The following ZNF710 variants were observed in gnomAD, a reference collection of about 807,000 sequenced individuals.
The protein encoded by ZNF710 is zinc finger protein 710.
ZNF710 carries 13 observed loss-of-function variants against 50.6 expected under a neutral mutation model. That is an observed-to-expected ratio of 0.26 (90% CI 0.17 to 0.41). The LOEUF (loss-of-function observed/expected upper bound fraction) is 0.41, where lower values mean the gene tolerates loss of function less well. ZNF710 is among the 10% of genes least tolerant of loss of function. The pLI is 1.00. For synonymous variants in ZNF710, 383 were observed against 397.0 expected, an observed-to-expected ratio of 0.96 and a Z score of 0.42; for missense variants, 721 against 936.6, an observed-to-expected ratio of 0.77 and a Z score of 3.01.
At chr15:90,010,375 G>A (rs563698857) in intron 1 of ZNF710, among the ~76,000 whole-genome samples, 2 of 152,190 alleles carry the variant, frequency 1.3e-5, no homozygotes, top group African/African-American at 2.4e-5. Context: ...TGCAACCTCC[G>A]CCTCCTAGGC....
rs1431706641 is a variant in ZNF710 at position 90,067,888 on chromosome 15, G to A, written c.751G>A (p.Ala251Thr). Residue 251 changes from alanine to threonine, a missense_variant, in exon 2 of 5, where the codon GCC (alanine) becomes ACC (threonine). Transcript: ENST00000268154. The surrounding 1 kb of genome is among the most constrained non-coding windows in gnomAD (Gnocchi z 8.1). ...GGAACAGGGCTTCGTGTGGCAGGAG[G>A]CCAGTGAGTTCGAGGCTGACACGGC... ...KPEQGFVWQE[A>T]SEFEADTAGS... 1.9e-6 allele frequency: 3 copies of A among 1,611,770 alleles called. No homozygotes were observed. The highest frequency in any genetic ancestry group is 2.2e-5 in the East Asian group (1 of 44,830).
intron 1 of ZNF710, among the ~76,000 whole-genome samples, chr15:90,030,375 C>T (rs573958672): frequency 6.7e-6 from 1 of 148,536 alleles, no homozygotes; most frequent in East Asian, 1.9e-4. Context: ...CTATCAGCTC[C>T]ATTTTATAGA....
chr15:90,070,203 G>GAA (rs1266011902), intron 2 of ZNF710, among the ~76,000 whole-genome samples: 1 of 152,196 alleles, frequency 6.6e-6, no homozygotes, highest in Non-Finnish European at 1.5e-5. Flanking sequence ...GTAATGTCAA[G>GAA]AAAGAGTCTA....
At chr15:90,074,616 T>A (rs992735385) in intron 4 of ZNF710, 17 of 908,080 alleles carry the variant, frequency 1.9e-5, no homozygotes, top group Non-Finnish European at 2.4e-5. Flanking sequence ...TGTCATCGTT[T>A]TACAGATGCA....
rs1900268022 is a variant in ZNF710 at position 90,068,492 on chromosome 15, A to G, written c.1355A>G (p.Asn452Ser). The change falls in exon 2 of 5, where the codon AAC becomes AGC. Residue 452 changes from asparagine (N) to serine (S), a missense_variant. Asn to Ser is a conservative substitution (Grantham distance 46). This residue lies in a region of ZNF710 where 326 missense variants were observed against 522.0 expected (regional missense o/e 0.62). Coordinates refer to ENST00000268154, the MANE Select transcript of ZNF710 (RefSeq NM_198526.4). This position sits in a 1 kb window ranked among gnomAD's most constrained non-coding sequence, Gnocchi z 5.0. Reference sequence around the variant, plus strand: ...TTCCACTACCGCAGCCAGTTGCAGAACCACATGCTCAAGCACCAGAACGTG... The same window carrying G: ...TTCCACTACCGCAGCCAGTTGCAGAGCCACATGCTCAAGCACCAGAACGTG... ...KSFHYRSQLQ[N>S]HMLKHQNVRP... is the part of the protein sequence containing the mutation. 6.2e-6 allele frequency: 10 copies of G among 1,613,998 alleles called. No homozygotes were observed. Among genetic ancestry groups the G allele is most frequent in the Non-Finnish European group, 8.5e-6 (10 of 1,180,032 alleles).
intron 1 of ZNF710, among the ~76,000 whole-genome samples, chr15:90,038,459 C>T (rs1899196284): frequency 6.6e-6 from 1 of 152,164 alleles, no homozygotes; most frequent in Admixed American, 6.5e-5. Context: ...GCAGACAGCC[C>T]ACCGTTAAGT....
chr15:90,042,210 G>A (rs993665286), intron 1 of ZNF710, among the ~76,000 whole-genome samples: 1 of 151,956 alleles, frequency 6.6e-6, no homozygotes, highest in Admixed American at 6.6e-5. Flanking sequence ...GTGCCTCTTT[G>A]TATTTTCCAT....
intron 4 of ZNF710, chr15:90,074,548 CTG>C (rs1210615340): frequency 7.1e-7 from 1 of 1,416,010 alleles, no homozygotes; most frequent in East Asian, 3.3e-5. Flanking sequence ...TGAGTGCTAA[CTG>C]TGTGCCAGGC....
chr15:90,052,018 G>T (rs961623203), intron 1 of ZNF710, among the ~76,000 whole-genome samples: 5 of 152,106 alleles, frequency 3.3e-5, no homozygotes, highest in African/African-American at 1.2e-4. Flanking sequence ...AGAGGAAGGG[G>T]CTGTCCTTCC....
chr15:90,030,769 C>G (rs1446793551), intron 1 of ZNF710, among the ~76,000 whole-genome samples: 1 of 151,934 alleles, frequency 6.6e-6, no homozygotes, highest in Admixed American at 6.6e-5. Context: ...GTAATCCCAG[C>G]TCTTTGGGAG....
Position 90,074,770 on chromosome 15 carries a change from C to T in ZNF710, c.1825+480C>T, listed in dbSNP as rs147735181. ...GTTAGAAAGGGGAAAAAATGGCAGC[C>T]GGAAAGATAAGGGAGAGCCAGGTGA... On this transcript the variant is annotated intron_variant, in intron 4 of 4. Transcript: ENST00000268154. 764 of 334,434 alleles carry T rather than the reference C, an allele frequency of 2.3e-3. 5 individuals carry two copies. Among genetic ancestry groups the T allele is most frequent in the African/African-American group, 0.015 (672 of 45,062 alleles). The allele number at this position is 334,434 out of a possible 1,614,324, so 20.7% of individuals were successfully genotyped here. A position where few individuals can be genotyped will look rare whatever the true frequency, so the allele number is the denominator to read the frequency against.
At chr15:90,003,884 G>C (rs1478483997) in intron 1 of ZNF710, among the ~76,000 whole-genome samples, 2 of 152,220 alleles carry the variant, frequency 1.3e-5, no homozygotes, top group Non-Finnish European at 2.9e-5. Flanking sequence ...CCTGCATGAG[G>C]GCCGTGGGGA....
Position 90,067,519 on chromosome 15 carries a change from G to A in ZNF710, c.382G>A (p.Gly128Ser). 1 of 1,613,548 alleles carries A rather than the reference G, an allele frequency of 6.2e-7. No individual in the cohort carries two copies. Among genetic ancestry groups the A allele is most frequent in the Non-Finnish European group, 8.5e-7 (1 of 1,179,714 alleles). ...GGAGGTCTATGAGGTTTCTGTGCCA[G>A]GTGACGACAAGGACGCAGGGCCAGC... ...EQEVYEVSVPGDDKDAGPAEA... is the reference protein window; with the variant it reads ...EQEVYEVSVPSDDKDAGPAEA... Residue 128 changes from glycine (G) to serine (S), a missense_variant, in exon 2 of 5, where the codon GGT becomes AGT. This residue lies in a region of ZNF710 where 326 missense variants were observed against 347.1 expected (regional missense o/e 0.94). Coordinates refer to ENST00000268154, the MANE Select transcript of ZNF710 (RefSeq NM_198526.4). The surrounding 1 kb of genome is among the most constrained non-coding windows in gnomAD (Gnocchi z 8.1).
Position 90,051,210 on chromosome 15 carries a change from G to A in ZNF710, c.-28-15900G>A, listed in dbSNP as rs1472133374. On this transcript the variant is annotated intron_variant, in intron 1 of 4. Coordinates refer to ENST00000268154, the MANE Select transcript of ZNF710 (RefSeq NM_198526.4). ...GCCAAGATCGTGCCGCTGCACTCCAGCCTGGGCGACACAGCCAGACTCCGT... is the reference window on the plus strand; with the variant it reads ...GCCAAGATCGTGCCGCTGCACTCCAACCTGGGCGACACAGCCAGACTCCGT... 1.5e-4 allele frequency among the ~76,000 whole-genome samples: 23 copies of A among 148,994 alleles called. No homozygotes were observed. In the East Asian group the frequency reaches 4.3e-3, roughly 28 times the overall value.
intron 4 of ZNF710, among the ~76,000 whole-genome samples, chr15:90,079,382 A>G (rs1256904500): frequency 2.0e-5 from 3 of 152,288 alleles, no homozygotes; most frequent in East Asian, 1.9e-4. Flanking sequence ...TGACCCAAAG[A>G]AGGCTTCAAG....
At chr15:90,074,677 CAGG>C in intron 4 of ZNF710, 1 of 386,814 alleles carries the variant, frequency 2.6e-6, no homozygotes, top group Non-Finnish European at 4.7e-6. Context: ...GACAACACAG[CAGG>C]AGGTGACAGA....
At position 90,073,280 on chromosome 15, in the gene ZNF710, C is replaced by T. The variant is rs749670068; in HGVS notation, c.1650+18C>T. ...AATGCAAGGTACCCGGTCATCAGGC[C>T]CCGGGGCTGGGACCTCCCCGAGGGT... is the stretch of plus-strand genomic sequence containing the variant. On this transcript the variant is annotated intron_variant, in intron 3 of 4. Coordinates refer to ENST00000268154, the MANE Select transcript of ZNF710 (RefSeq NM_198526.4). 6.2e-7 allele frequency: 1 copy of T among 1,607,170 alleles called. No homozygotes were observed. Among genetic ancestry groups the T allele is most frequent in the East Asian group, 2.2e-5 (1 of 44,692 alleles).
chr15:90,050,419 A>G (rs1474543778), intron 1 of ZNF710, among the ~76,000 whole-genome samples: 2 of 152,240 alleles, frequency 1.3e-5, no homozygotes, highest in South Asian at 4.1e-4. Flanking sequence ...TCTCCGTCCC[A>G]TGCTTCCAGC....
At chr15:90,018,157 T>G (rs765807575) in intron 1 of ZNF710, among the ~76,000 whole-genome samples, 30 of 149,006 alleles carry the variant, frequency 2.0e-4, no homozygotes, top group Non-Finnish European at 3.7e-4. Flanking sequence ...TTGGGGCTTT[T>G]CTTTTCTTTT....
Sources: gnomAD v4.1 joint callset for allele counts (sites outside exome capture counted in the v4.1 genomes callset) on GRCh38, gnomAD v4.1.1 for gene constraint, gnomAD v4.1.1 regional missense constraint, Gnocchi (gnomAD v3.1) non-coding constraint, MANE v1.5 for transcripts, NCBI Gene and HGNC (gene_info 2026-07-23, HGNC 2026-07-21) for gene names.